The following KPNA4 variants were observed in gnomAD, a reference collection of about 807,000 sequenced individuals.
KPNA4 encodes the protein karyopherin subunit alpha 4, also known as importin subunit alpha-3.
In KPNA4, 13 loss-of-function variants were observed where a neutral mutation model predicts 71.3. The observed-to-expected ratio is 0.18, with a 90% CI of 0.12 to 0.29. KPNA4 has a LOEUF of 0.29. Ranked by LOEUF, KPNA4 falls within the 10% of genes least tolerant of loss-of-function variation. The pLI, the probability that KPNA4 is intolerant of heterozygous loss-of-function variation, is 1.00. For missense variants in KPNA4, 334 were observed against 603.2 expected, an observed-to-expected ratio of 0.55 and a Z score of 4.67; for synonymous variants, 189 against 195.2, an observed-to-expected ratio of 0.97 and a Z score of 0.26.
At chr3:160,512,349 CAA>C (rs572773218) in intron 13 of KPNA4, among the ~76,000 whole-genome samples, 297 of 151,614 alleles carry the variant, frequency 2.0e-3, no homozygotes, top group Non-Finnish European at 3.4e-3. Context: ...AACAGAGTAT[CAA>C]AAAGAGTAAC....
chr3:160,527,312 T>C (rs1483160029), intron 8 of KPNA4, among the ~76,000 whole-genome samples: 1 of 152,186 alleles, frequency 6.6e-6, no homozygotes, highest in Non-Finnish European at 1.5e-5. Context: ...AAACAAATCC[T>C]TGAAATATCA....
chr3:160,557,322 T>A (rs1178775722), intron 1 of KPNA4, among the ~76,000 whole-genome samples: 1 of 152,094 alleles, frequency 6.6e-6, no homozygotes, highest in African/African-American at 2.4e-5. Flanking sequence ...TAAATAAATT[T>A]ATGTAACACT....
chr3:160,565,528 G>A lies in KPNA4; in HGVS notation c.-246C>T, dbSNP rs1722335172. On this transcript the variant is annotated 5_prime_UTR_variant, in exon 1 of 17. Transcript: ENST00000334256. The stretch of plus-strand genomic sequence containing the variant: ...CTGTGGGGCCGGGCGGCGGCAAGGC[G>A]ACGGAATGTGCTGCCGGCTGAGAGG... The A allele has an allele frequency of 7.4e-6, 4 of 543,186 alleles. No homozygotes were observed. The highest frequency in any genetic ancestry group is 3.3e-5 in the East Asian group (1 of 30,296). The allele number at this position is 543,186 out of a possible 1,614,324, so 33.6% of individuals were successfully genotyped here. A position where few individuals can be genotyped will look rare whatever the true frequency, so the allele number is the denominator to read the frequency against.
Position 160,509,803 on chromosome 3 carries a change from A to G in KPNA4, c.1206T>C (p.Asp402=). 1 of 1,589,962 alleles carries G rather than the reference A, an allele frequency of 6.3e-7. No homozygotes were observed. Residue 402 remains aspartate (D), a synonymous_variant, in exon 14 of 17, where the codon GAT becomes GAC. Transcript: ENST00000334256. The part of the protein sequence containing the change: ...ISNLTISGRK[D]QVAYLIQQNV... ...AATTTTAAAAAGCTCAACTTACTTG[A>G]TCTTTCCTTCCACTAATTGTTAAGT...
chr3:160,563,942 T>A (rs970874282), intron 1 of KPNA4, among the ~76,000 whole-genome samples: 1 of 151,906 alleles, frequency 6.6e-6, no homozygotes, highest in Non-Finnish European at 1.5e-5. Context: ...ACTTTAAAGA[T>A]AATATTAACA....
intron 11 of KPNA4, among the ~76,000 whole-genome samples, chr3:160,518,378 G>A (rs1406088063): frequency 2.7e-5 from 4 of 149,560 alleles, no homozygotes; most frequent in Non-Finnish European, 6.0e-5. Context: ...CTCGTGATCC[G>A]CCCGCCTCGG....
chr3:160,553,278 A>C (rs1340686035), intron 1 of KPNA4, among the ~76,000 whole-genome samples: 4 of 152,216 alleles, frequency 2.6e-5, no homozygotes, highest in Non-Finnish European at 5.9e-5. Flanking sequence ...ACACCACAGA[A>C]GACTGGTAGT....
chr3:160,501,217 G>C lies in KPNA4; in HGVS notation c.*887C>G, dbSNP rs1358928921. 1.3e-5 allele frequency: 2 copies of C among 149,286 alleles called. No individual in the cohort carries two copies. The highest frequency in any genetic ancestry group is 3.0e-5 in the Non-Finnish European group (2 of 67,570). The allele number at this position is 149,286 out of a possible 1,614,324, so 9.2% of individuals were successfully genotyped here. On this transcript the variant is annotated 3_prime_UTR_variant, in exon 17 of 17. Coordinates refer to ENST00000334256, the MANE Select transcript of KPNA4 (RefSeq NM_002268.5). ...TGCAAATGCACAGGGAAACCTTCCT[G>C]AAAAGTTTTCTGACTTGAGAAGCAA... is the stretch of plus-strand genomic sequence containing the variant.
intron 1 of KPNA4, among the ~76,000 whole-genome samples, chr3:160,556,559 GT>G (rs1722140834): frequency 6.6e-6 from 1 of 152,136 alleles, no homozygotes; most frequent in South Asian, 2.1e-4. Flanking sequence ...GAACACAAGT[GT>G]TTCAGATTTT....
rs904673504 is a variant in KPNA4 at position 160,499,340 on chromosome 3, G to A, written c.*2764C>T. The A allele has an allele frequency of 1.3e-5, 2 of 152,010 alleles. No individual in the cohort carries two copies. The highest frequency in any genetic ancestry group is 4.8e-5 in the African/African-American group (2 of 41,346). The allele number at this position is 152,010 out of a possible 1,614,324, so 9.4% of individuals were successfully genotyped here. A position where few individuals can be genotyped will look rare whatever the true frequency, so the allele number is the denominator to read the frequency against. Reference sequence around the variant, plus strand: ...CATTCTTATTTTTACAGCACTTGAGGTGGTCTCAATGTTCAAAAAGACAGT... The same window carrying A: ...CATTCTTATTTTTACAGCACTTGAGATGGTCTCAATGTTCAAAAAGACAGT... On this transcript the variant is annotated 3_prime_UTR_variant, in exon 17 of 17. Coordinates refer to ENST00000334256, the MANE Select transcript of KPNA4 (RefSeq NM_002268.5).
chr3:160,548,655 T>G (rs1721978256), intron 1 of KPNA4, among the ~76,000 whole-genome samples: 1 of 152,210 alleles, frequency 6.6e-6, no homozygotes, highest in Admixed American at 6.5e-5. Flanking sequence ...CTAAATAATA[T>G]TCCACTGTAT....
intron 1 of KPNA4, among the ~76,000 whole-genome samples, chr3:160,554,070 A>G (rs1279389823): frequency 6.6e-6 from 1 of 152,254 alleles, no homozygotes; most frequent in African/African-American, 2.4e-5. Context: ...AATTCAATAC[A>G]GGGAAGGGTA....
Position 160,530,837 on chromosome 3 carries a change from T to C in KPNA4, c.469+18A>G, listed in dbSNP as rs1204197390. On this transcript the variant is annotated intron_variant, in intron 7 of 16. Transcript: ENST00000334256. Reference sequence around the variant, plus strand: ...TTTTAAAAAAAATCACAATTATGTTTATTAATAACCAACTTACTGGACTGA... The same window carrying C: ...TTTTAAAAAAAATCACAATTATGTTCATTAATAACCAACTTACTGGACTGA... 1 of 1,559,242 alleles carries C rather than the reference T, an allele frequency of 6.4e-7. No individual in the cohort carries two copies. Among genetic ancestry groups the C allele is most frequent in the South Asian group, 1.2e-5 (1 of 85,186 alleles).
At chr3:160,565,059 C>A (rs1722317358) in intron 1 of KPNA4, among the ~76,000 whole-genome samples, 155 bp downstream of exon 1, 1 of 151,692 alleles carries the variant, frequency 6.6e-6, no homozygotes, top group Non-Finnish European at 1.5e-5. Context: ...AACTTCCCGG[C>A]GCGCTAGCAG....
Position 160,509,704 on chromosome 3 carries a change from T to C in KPNA4, c.1209+96A>G, listed in dbSNP as rs889865268. ...GCCTTGGCCTCCCAGGGTGTTGCTA[T>C]TATTTTAAATTATAACTTACTCAAA... On this transcript the variant is annotated intron_variant, in intron 14 of 16. Transcript: ENST00000334256. 272 of 929,420 alleles carry C rather than the reference T, an allele frequency of 2.9e-4. 1 individual carries two copies. The highest frequency in any genetic ancestry group is 5.3e-4 in the Admixed American group (29 of 55,234). The allele number at this position is 929,420 out of a possible 1,614,324, so 57.6% of individuals were successfully genotyped here.
At chr3:160,547,204 TGAA>T (rs1477068921) in intron 1 of KPNA4, among the ~76,000 whole-genome samples, 2 of 152,230 alleles carry the variant, frequency 1.3e-5, no homozygotes, top group African/African-American at 2.4e-5. Flanking sequence ...TGCCTTTTTT[TGAA>T]GAAATAAAAA....
At chr3:160,544,847 G>C (rs62272798) in intron 1 of KPNA4, among the ~76,000 whole-genome samples, 1,746 of 152,182 alleles carry the variant, frequency 0.011, 22 homozygotes, top group Middle Eastern at 0.014. Context: ...GTGTAAGCAA[G>C]AGAGATTGAG....
At chr3:160,541,248 T>C (rs1039135491) in intron 1 of KPNA4, among the ~76,000 whole-genome samples, 1 of 152,206 alleles carries the variant, frequency 6.6e-6, no homozygotes, top group African/African-American at 2.4e-5. Context: ...GACATAGTAA[T>C]TACTGTACAA....
intron 12 of KPNA4, 105 bp from the exon 13 acceptor site, chr3:160,514,286 A>G (rs1721158566): frequency 2.9e-6 from 2 of 685,534 alleles, no homozygotes; most frequent in South Asian, 2.0e-5. Context: ...TTACTACGAA[A>G]TGAGCTCCAT....
Sources: gnomAD v4.1 joint callset for allele counts (sites outside exome capture counted in the v4.1 genomes callset) on GRCh38, gnomAD v4.1.1 for gene constraint, MANE v1.5 for transcripts, NCBI Gene and HGNC (gene_info 2026-07-23, HGNC 2026-07-21) for gene names.